The following AGBL1 variants were observed in gnomAD, a reference collection of about 807,000 sequenced individuals.
AGBL1 encodes cytosolic carboxypeptidase 4.
Under a neutral mutation model 118.9 loss-of-function variants are expected in AGBL1, and 130 were observed. The observed-to-expected ratio is 1.09, with a 90% CI of 0.95 to 1.26. AGBL1 has a LOEUF of 1.26. Among genes scored for constraint, AGBL1 ranks in the 50% most tolerant of loss-of-function variants. The pLI is 0.00. For synonymous variants in AGBL1, 555 were observed against 478.9 expected (o/e 1.16, Z -2.08); for missense variants, 1,584 against 1,298.1 (o/e 1.22, Z -3.38).
intron 18 of AGBL1, among the ~76,000 whole-genome samples, chr15:86,493,506 G>A (rs991844776): frequency 1.3e-5 from 2 of 152,028 alleles, no homozygotes; most frequent in Non-Finnish European, 2.9e-5. Context: ...CATTTACAGA[G>A]AAGGACAACC....
intron 22 of AGBL1, among the ~76,000 whole-genome samples, chr15:86,886,667 G>A (rs2141545571): frequency 6.6e-6 from 1 of 152,262 alleles, no homozygotes; most frequent in East Asian, 1.9e-4. Flanking sequence ...GCATGATCAT[G>A]GATGTTTTTA....
chr15:86,619,597 T>G (rs11858631), intron 21 of AGBL1, among the ~76,000 whole-genome samples: 8,579 of 152,198 alleles, frequency 0.056, 459 homozygotes, highest in African/African-American at 0.14. Flanking sequence ...TGCAGTCCTA[T>G]GAGATGGGCT....
chr15:86,365,671 C>A (rs2080875863), intron 17 of AGBL1, among the ~76,000 whole-genome samples: 1 of 147,258 alleles, frequency 6.8e-6, no homozygotes, highest in South Asian at 2.2e-4. Context: ...CTCACTCAAA[C>A]CATTGATTTT....
At chr15:86,090,068 T>C (rs1166709688) in intron 1 of AGBL1, among the ~76,000 whole-genome samples, 4 of 152,190 alleles carry the variant, frequency 2.6e-5, no homozygotes, top group East Asian at 1.9e-4. Context: ...CCGTCTTCTC[T>C]TACATAACCT....
chr15:86,795,337 C>T (rs2078554233), intron 22 of AGBL1, among the ~76,000 whole-genome samples: 1 of 152,048 alleles, frequency 6.6e-6, no homozygotes, highest in Non-Finnish European at 1.5e-5. Context: ...ATAAAGCCTT[C>T]TGGGAATGAA....
intron 15 of AGBL1, 73 bp downstream of exon 15, chr15:86,271,779 G>T: frequency 7.2e-7 from 1 of 1,389,300 alleles, no homozygotes; most frequent in East Asian, 2.3e-5. Context: ...TTTCCATATT[G>T]ATCTTATAAA....
At chr15:86,360,646 C>A (rs775229401) in intron 17 of AGBL1, among the ~76,000 whole-genome samples, 1 of 151,910 alleles carries the variant, frequency 6.6e-6, no homozygotes, top group Non-Finnish European at 1.5e-5. Context: ...TGGTAGAATT[C>A]AACTCTGAAG....
At chr15:86,161,828 C>T (rs137975615) in intron 5 of AGBL1, among the ~76,000 whole-genome samples, 49 of 152,320 alleles carry the variant, frequency 3.2e-4, no homozygotes, top group African/African-American at 9.6e-4. Context: ...TGTAAGCCTC[C>T]TTCTACCAGA....
chr15:86,705,477 C>G (rs1371801120), intron 22 of AGBL1, among the ~76,000 whole-genome samples: 1 of 152,072 alleles, frequency 6.6e-6, no homozygotes, highest in Non-Finnish European at 1.5e-5. Flanking sequence ...TCTAGGTAAT[C>G]CACGTAAAGT....
chr15:86,768,724 G>A (rs2078130922), intron 22 of AGBL1, among the ~76,000 whole-genome samples: 1 of 151,938 alleles, frequency 6.6e-6, no homozygotes, highest in Non-Finnish European at 1.5e-5. Context: ...TAAACCATAT[G>A]AAATTAACTT....
At chr15:86,467,634 G>T (rs945029197) in intron 18 of AGBL1, among the ~76,000 whole-genome samples, 2 of 152,218 alleles carry the variant, frequency 1.3e-5, no homozygotes, top group Non-Finnish European at 2.9e-5. Flanking sequence ...TGGTCTGAGG[G>T]TTGCGAAGAC....
intron 18 of AGBL1, among the ~76,000 whole-genome samples, chr15:86,517,709 G>T (rs960085637): frequency 1.3e-5 from 2 of 152,138 alleles, no homozygotes; most frequent in East Asian, 3.9e-4. Flanking sequence ...AAAATATCCT[G>T]AACATAATAA....
At chr15:86,441,007 G>A (rs1171024255) in intron 18 of AGBL1, among the ~76,000 whole-genome samples, 2 of 152,112 alleles carry the variant, frequency 1.3e-5, no homozygotes, top group East Asian at 1.9e-4. Flanking sequence ...CAGGACAGAT[G>A]GAGTAAAGAC....
chr15:86,982,171 A>G (rs2081237641), intron 23 of AGBL1, among the ~76,000 whole-genome samples: 1 of 152,162 alleles, frequency 6.6e-6, no homozygotes. Flanking sequence ...CTTATCCCTA[A>G]GAACTTCTTT....
intron 24 of AGBL1, among the ~76,000 whole-genome samples, chr15:87,015,043 C>G (rs74025791): frequency 1.3e-5 from 2 of 152,086 alleles, no homozygotes; most frequent in African/African-American, 4.8e-5. Context: ...CCTGATGGAA[C>G]AAACAGGTGG....
At chr15:86,263,835 T>C (rs993442237) in intron 10 of AGBL1, among the ~76,000 whole-genome samples, 2 of 152,176 alleles carry the variant, frequency 1.3e-5, no homozygotes, top group African/African-American at 2.4e-5. Context: ...GGAGTTAATA[T>C]ATTCTATTTG....
chr15:86,339,275 C>A (rs1256898472), intron 17 of AGBL1, among the ~76,000 whole-genome samples: 1 of 152,106 alleles, frequency 6.6e-6, no homozygotes, highest in Admixed American at 6.6e-5. Context: ...TCTTCAAGAA[C>A]TTTTTTCTTT....
intron 18 of AGBL1, among the ~76,000 whole-genome samples, chr15:86,488,225 C>T (rs916801600): frequency 1.3e-5 from 2 of 151,954 alleles, no homozygotes; most frequent in African/African-American, 4.8e-5. Context: ...CTAATTGCAG[C>T]CAGGATTCTG....
At chr15:86,693,849 G>T (rs528973307) in intron 22 of AGBL1, among the ~76,000 whole-genome samples, 1 of 152,078 alleles carries the variant, frequency 6.6e-6, no homozygotes, top group African/African-American at 2.4e-5. Flanking sequence ...TGTTGACTAG[G>T]GTGTCCTTTC....
Sources: gnomAD v4.1 joint callset for allele counts (sites outside exome capture counted in the v4.1 genomes callset) on GRCh38, gnomAD v4.1.1 for gene constraint, MANE v1.5 for transcripts, NCBI Gene and HGNC (gene_info 2026-07-23, HGNC 2026-07-21) for gene names.